C1orf116: variants seen among roughly 807,000 people sequenced by gnomAD.
The protein encoded by C1orf116 is specifically androgen-regulated gene protein.
A neutral mutation model predicts 14.1 loss-of-function variants in C1orf116; 12 were observed. The observed-to-expected ratio is 0.85, with a 90% CI of 0.54 to 1.38. C1orf116 has a LOEUF of 1.38. Ranked by LOEUF, C1orf116 falls within the 40% of genes most tolerant of loss-of-function variation. The pLI is 0.00. For synonymous variants in C1orf116, 296 were observed against 299.0 expected (o/e 0.99, Z 0.10); for missense variants, 797 against 747.0 (o/e 1.07, Z -0.78).
At chr1:207,027,007 A>G (rs1682098161) in intron 2 of C1orf116, among the ~76,000 whole-genome samples, 1 of 152,256 alleles carries the variant, frequency 6.6e-6, no homozygotes, top group African/African-American at 2.4e-5. Context: ...AGGAGGCTAA[A>G]GCTTAGAGAA....
chr1:207,022,808 T>G lies in C1orf116; in HGVS notation c.956A>C (p.Gln319Pro), dbSNP rs1558043605. Residue 319 changes from glutamine (Q) to proline (P), a missense_variant, in exon 4 of 4, where the codon CAG becomes CCG. Transcript: ENST00000359470. ...SSRSSFHSDP[Q>P]HWLSRHTEAA... Reference sequence around the variant, plus strand: ...CTCAGTGTGGCGGGACAGCCAGTGCTGGGGGTCACTGTGGAAACTGCTTCG... The same window carrying G: ...CTCAGTGTGGCGGGACAGCCAGTGCGGGGGGTCACTGTGGAAACTGCTTCG... The G allele has an allele frequency of 4.3e-6, 7 of 1,613,988 alleles. No individual in the cohort carries two copies. In the Admixed American group the frequency reaches 5.0e-5, roughly 12 times the overall value.
At chr1:207,030,474 C>T (rs368506556) in intron 1 of C1orf116, among the ~76,000 whole-genome samples, 7 of 152,278 alleles carry the variant, frequency 4.6e-5, no homozygotes, top group African/African-American at 9.6e-5. Flanking sequence ...CAGTGTATTG[C>T]CCCAACAGCA....
Position 207,018,568 on chromosome 1 carries a change from C to T in C1orf116, c.*3390G>A, listed in dbSNP as rs944665035. On this transcript the variant is annotated 3_prime_UTR_variant, in exon 4 of 4. Coordinates refer to ENST00000359470, the MANE Select transcript of C1orf116 (RefSeq NM_023938.6). Reference sequence around the variant, plus strand: ...TAGCTACACTGTGGCCAGAACTAAGCTTTACATGTTTTATATCACTTATTT... The same window carrying T: ...TAGCTACACTGTGGCCAGAACTAAGTTTTACATGTTTTATATCACTTATTT... The T allele has an allele frequency of 1.3e-5, 2 of 152,160 alleles. No individual in the cohort carries two copies. Among genetic ancestry groups the T allele is most frequent in the Non-Finnish European group, 2.9e-5 (2 of 68,030 alleles). The allele number at this position is 152,160 out of a possible 1,614,324, so 9.4% of individuals were successfully genotyped here. A position where few individuals can be genotyped will look rare whatever the true frequency, so the allele number is the denominator to read the frequency against.
Position 207,032,743 on chromosome 1 carries a change from C to G in C1orf116, c.-246G>C. The stretch of plus-strand genomic sequence containing the variant: ...AATGCTTCATCTGTGCTGCCTGGCC[C>G]CCACCCTGCCACTGACTCAGCCAAT... On this transcript the variant is annotated 5_prime_UTR_variant, in exon 1 of 4. Coordinates refer to ENST00000359470, the MANE Select transcript of C1orf116 (RefSeq NM_023938.6). 1 of 985,360 alleles carries G rather than the reference C, an allele frequency of 1.0e-6. No homozygotes were observed. The highest frequency in any genetic ancestry group is 4.7e-5 in the South Asian group (1 of 21,276). The allele number at this position is 985,360 out of a possible 1,614,324, so 61.0% of individuals were successfully genotyped here.
chr1:207,023,187 A>C lies in C1orf116; in HGVS notation c.577T>G (p.Leu193Val), dbSNP rs1391953638. The change falls in exon 4 of 4, where the codon TTG becomes GTG. Residue 193 changes from leucine to valine, a missense_variant. Leu to Val is a conservative substitution (Grantham distance 32). Coordinates refer to ENST00000359470, the MANE Select transcript of C1orf116 (RefSeq NM_023938.6). ...GGCGGAGGGATGAGCACCACGTCCA[A>C]GTCAAGGGCAGCCTCCTGGGGGCTG... ...PASPQEAALD[L>V]DVVLIPPPEA... is the part of the protein sequence containing the mutation. 1 of 1,608,868 alleles carries C rather than the reference A, an allele frequency of 6.2e-7. No homozygotes were observed. Among genetic ancestry groups the C allele is most frequent in the Non-Finnish European group, 8.5e-7 (1 of 1,177,190 alleles).
At chr1:207,026,790 T>G (rs1262234674) in intron 2 of C1orf116, among the ~76,000 whole-genome samples, 3 of 152,216 alleles carry the variant, frequency 2.0e-5, no homozygotes, top group African/African-American at 7.2e-5. Context: ...CAACTGAGAT[T>G]TAAATTCATG....
At chr1:207,027,464 C>G (rs891021823) in intron 2 of C1orf116, 30 bp downstream of exon 2, 2 of 1,612,884 alleles carry the variant, frequency 1.2e-6, no homozygotes, top group African/African-American at 2.7e-5. Context: ...AGAGAGCAGA[C>G]CAGGTTGCGG....
intron 2 of C1orf116, among the ~76,000 whole-genome samples, chr1:207,025,620 C>T (rs989791490): frequency 9.2e-5 from 14 of 152,136 alleles, no homozygotes; most frequent in African/African-American, 3.1e-4. Flanking sequence ...CTATGAGCTG[C>T]CAGGCCAGTA....
chr1:207,023,615 C>T (rs961829989), intron 3 of C1orf116, 135 bp from the exon 4 acceptor site: 1 of 1,311,608 alleles, frequency 7.6e-7, no homozygotes, highest in Admixed American at 3.1e-5. Flanking sequence ...TTTATTTTGC[C>T]TTGTTTTCTT....
At position 207,032,711 on chromosome 1, in the gene C1orf116, A is replaced by C; in HGVS notation, c.-214T>G. ...TTTGAGCTCCTCCTGACTTACCTAG[A>C]TAGGTAAATGCTTCATCTGTGCTGC... On this transcript the variant is annotated 5_prime_UTR_variant, in exon 1 of 4. Coordinates refer to ENST00000359470, the MANE Select transcript of C1orf116 (RefSeq NM_023938.6). 1.0e-6 allele frequency: 1 copy of C among 985,312 alleles called. No homozygotes were observed. The highest frequency in any genetic ancestry group is 1.2e-6 in the Non-Finnish European group (1 of 829,948). 61.0% of individuals were successfully genotyped at this position (985,312 alleles called of 1,614,324 possible).
rs995726266 is a variant in C1orf116 at position 207,022,628 on chromosome 1, G to A, written c.1136C>T (p.Thr379Ile). The A allele has an allele frequency of 6.2e-7, 1 of 1,614,022 alleles. No homozygotes were observed. The highest frequency in any genetic ancestry group is 1.3e-5 in the African/African-American group (1 of 74,934). The change falls in exon 4 of 4, where the codon ACA becomes ATA. Residue 379 changes from threonine to isoleucine, a missense_variant. By Grantham distance (89) the Thr-to-Ile change is moderately conservative (BLOSUM62 -1). Transcript: ENST00000359470. ...AGCTGGGGACAGATGCTGGGCCCGTGTCTCCTTGGGTCTGATGGAGCTGGT... is the reference window on the plus strand; with the variant it reads ...AGCTGGGGACAGATGCTGGGCCCGTATCTCCTTGGGTCTGATGGAGCTGGT... ...KPTSSIRPKETRAQHLSPAPG... is the reference protein window; with the variant it reads ...KPTSSIRPKEIRAQHLSPAPG...
At position 207,021,952 on chromosome 1, in the gene C1orf116, CAG is replaced by C; in HGVS notation, c.*4_*5del. 2 of 1,518,514 alleles carry C rather than the reference CAG, an allele frequency of 1.3e-6. No homozygotes were observed. Among genetic ancestry groups the C allele is most frequent in the Non-Finnish European group, 1.8e-6 (2 of 1,134,570 alleles). The allele number at this position is 1,518,514 out of a possible 1,614,324, so 94.1% of individuals were successfully genotyped here. A position where few individuals can be genotyped will look rare whatever the true frequency, so the allele number is the denominator to read the frequency against. Reference sequence around the variant, plus strand: ...GCCAGGACAGGGTCTGTACTGGTCGCAGAGTCTACTCCTTCAACAGTCCCAGC... The same window carrying C: ...GCCAGGACAGGGTCTGTACTGGTCGCAGTCTACTCCTTCAACAGTCCCAGC... On this transcript the variant is annotated 3_prime_UTR_variant, in exon 4 of 4. Coordinates refer to ENST00000359470, the MANE Select transcript of C1orf116 (RefSeq NM_023938.6).
chr1:207,024,894 A>C lies in C1orf116; in HGVS notation c.276T>G (p.Thr92=), dbSNP rs1682023746. Residue 92 remains threonine, a synonymous_variant, in exon 3 of 4, where the codon ACT becomes ACG. Coordinates refer to ENST00000359470, the MANE Select transcript of C1orf116 (RefSeq NM_023938.6). The part of the protein sequence containing the change: ...GFRALPITQP[T]PRGGPEETIT... Reference sequence around the variant, plus strand: ...CCAGAGGGTCTGCCTTACCCCGGGGAGTGGGTTGGGTTATGGGCAGTGCTC... The same window carrying C: ...CCAGAGGGTCTGCCTTACCCCGGGGCGTGGGTTGGGTTATGGGCAGTGCTC... The C allele has an allele frequency of 1.2e-6, 2 of 1,609,412 alleles. No individual in the cohort carries two copies. The highest frequency in any genetic ancestry group is 1.7e-6 in the Non-Finnish European group (2 of 1,176,842).
chr1:207,027,302 G>A (rs117655855), intron 2 of C1orf116, among the ~76,000 whole-genome samples, 192 bp downstream of exon 2: 2,380 of 152,194 alleles, frequency 0.016, 99 homozygotes, highest in Admixed American at 0.096. Context: ...CTCTAAGGTC[G>A]TCCCATCCTA....
At position 207,022,395 on chromosome 1, in the gene C1orf116, G is replaced by A. The variant is rs1248472690; in HGVS notation, c.1369C>T (p.Pro457Ser). ...KAPRANSALT[P>S]PKPESGLTLQ... ...GTCAGCCCTGACTCTGGCTTCGGTG[G>A]AGTCAGGGCACTGTTTGCCCTTGGG... is the stretch of plus-strand genomic sequence containing the variant. Residue 457 changes from proline (P) to serine (S), a missense_variant, in exon 4 of 4, where the codon CCA becomes TCA. Physicochemically the swap from Pro to Ser is moderately conservative, Grantham distance 74. Coordinates refer to ENST00000359470, the MANE Select transcript of C1orf116 (RefSeq NM_023938.6). 1 of 1,614,196 alleles carries A rather than the reference G, an allele frequency of 6.2e-7. No homozygotes were observed. The highest frequency in any genetic ancestry group is 1.7e-5 in the Admixed American group (1 of 60,026).
intron 1 of C1orf116, among the ~76,000 whole-genome samples, chr1:207,030,616 AC>A (rs1682215881): frequency 6.6e-6 from 1 of 152,116 alleles, no homozygotes; most frequent in South Asian, 2.1e-4. Flanking sequence ...TCATCTCCAT[AC>A]CTAGTTTTCT....
intron 1 of C1orf116, among the ~76,000 whole-genome samples, chr1:207,030,918 G>A (rs1372808650): frequency 6.6e-6 from 1 of 152,164 alleles, no homozygotes; most frequent in African/African-American, 2.4e-5. Flanking sequence ...GCCAAGCCTT[G>A]GAGGAGAGGA....
intron 2 of C1orf116, 68 bp from the exon 3 acceptor site, chr1:207,025,132 G>C (rs1682038831): frequency 8.7e-7 from 1 of 1,152,778 alleles, no homozygotes; most frequent in Non-Finnish European, 1.2e-6. Flanking sequence ...GAACAGGAGA[G>C]GGAGAGAGAG....
chr1:207,032,748 C>G lies in C1orf116; in HGVS notation c.-251G>C, dbSNP rs1396878827. 7 of 985,392 alleles carry G rather than the reference C, an allele frequency of 7.1e-6. No homozygotes were observed. The highest frequency in any genetic ancestry group is 8.4e-6 in the Non-Finnish European group (7 of 830,044). The allele number at this position is 985,392 out of a possible 1,614,324, so 61.0% of individuals were successfully genotyped here. A position where few individuals can be genotyped will look rare whatever the true frequency, so the allele number is the denominator to read the frequency against. On this transcript the variant is annotated 5_prime_UTR_variant, in exon 1 of 4. Coordinates refer to ENST00000359470, the MANE Select transcript of C1orf116 (RefSeq NM_023938.6). ...TTCATCTGTGCTGCCTGGCCCCCAC[C>G]CTGCCACTGACTCAGCCAATCCTAG...
Sources: allele counts gnomAD v4.1 joint callset (sites outside exome capture counted in the v4.1 genomes callset), GRCh38; gene constraint gnomAD v4.1.1; transcripts MANE v1.5; gene names NCBI Gene and HGNC (gene_info 2026-07-23, HGNC 2026-07-21).